The following CHD9 variants were observed in gnomAD, a reference collection of about 807,000 sequenced individuals.
CHD9 encodes ATP-dependent chromatin remodeler CHD9.
In CHD9, 77 loss-of-function variants were observed where a neutral mutation model predicts 316.1. The observed-to-expected ratio is 0.24, with a 90% CI of 0.20 to 0.29. The LOEUF (loss-of-function observed/expected upper bound fraction) is 0.29, where lower values mean the gene tolerates loss of function less well. CHD9 is among the 10% of genes least tolerant of loss of function. The probability of loss-of-function intolerance (pLI) is 1.00; values close to 1 mark genes in which losing one functional copy is unlikely to be tolerated. For missense variants in CHD9, 2,763 were observed against 3,438.1 expected (o/e 0.80, Z 4.91); for synonymous variants, 1,129 against 1,158.3 (o/e 0.97, Z 0.51).
chr16:53,285,456 G>C, intron 24 of CHD9, 140 bp from the exon 25 acceptor site: 1 of 404,310 alleles, frequency 2.5e-6, no homozygotes, highest in Non-Finnish European at 4.3e-6. Flanking sequence ...TTAATTGGTG[G>C]CAATTATGAA....
In CHD9 at chr16:53,308,677, G is replaced by A. The variant is rs938701086; in HGVS notation, c.7054-9G>A. On this transcript the variant is annotated splice_polypyrimidine_tract_variant and intron_variant, in intron 33 of 38. Transcript: ENST00000447540. ...AGTTTCTGTCTTAATAATGGTATTT[G>A]TTTAACAGGAAGGTGGTTTGAAGTT... The A allele has an allele frequency of 2.7e-5, 44 of 1,603,692 alleles. No individual in the cohort carries two copies. The highest frequency in any genetic ancestry group is 3.8e-5 in the Non-Finnish European group (44 of 1,172,724).
At chr16:53,207,982 C>G (rs761251738) in intron 2 of CHD9, 1 of 970,972 alleles carries the variant, frequency 1.0e-6, no homozygotes, top group Non-Finnish European at 1.2e-6. Context: ...TTAACGACAT[C>G]TCTAATATTC....
intron 2 of CHD9, among the ~76,000 whole-genome samples, chr16:53,192,080 A>AAAAG (rs2044525342): frequency 6.6e-6 from 1 of 151,874 alleles, no homozygotes; most frequent in African/African-American, 2.4e-5. Context: ...AAAAAAAAAA[A>AAAAG]AAACAGTCAA....
chr16:53,175,816 C>T (rs1442440484), intron 2 of CHD9, among the ~76,000 whole-genome samples: 1 of 152,194 alleles, frequency 6.6e-6, no homozygotes, highest in Non-Finnish European at 1.5e-5. Flanking sequence ...TTAATCTTCA[C>T]AATATCTCTG....
intron 2 of CHD9, among the ~76,000 whole-genome samples, chr16:53,184,217 T>C (rs2043790056): frequency 6.6e-6 from 1 of 152,040 alleles, no homozygotes. Flanking sequence ...CCTATTATGT[T>C]CTAAACTCTG....
chr16:53,200,007 G>A (rs149587009), intron 2 of CHD9, among the ~76,000 whole-genome samples: 2,603 of 152,126 alleles, frequency 0.017, 80 homozygotes, highest in African/African-American at 0.06. Context: ...AGGCCGAGGC[G>A]GGTGGGTCAC....
intron 37 of CHD9, among the ~76,000 whole-genome samples, chr16:53,319,247 T>C (rs8063660): frequency 0.24 from 36,466 of 152,138 alleles, 4,717 homozygotes; most frequent in Middle Eastern, 0.32. Flanking sequence ...CATTTCTCAT[T>C]GCGTTATTTT....
intron 24 of CHD9, among the ~76,000 whole-genome samples, chr16:53,274,884 C>A (rs1343987367): frequency 6.6e-6 from 1 of 152,158 alleles, no homozygotes; most frequent in East Asian, 1.9e-4. Context: ...GGAATTAACC[C>A]TTGCCAATTT....
intron 1 of CHD9, among the ~76,000 whole-genome samples, chr16:53,123,347 T>C (rs1213615948): frequency 6.6e-6 from 1 of 151,796 alleles, no homozygotes; most frequent in Non-Finnish European, 1.5e-5. Flanking sequence ...CACTCTCCAT[T>C]CTTCATCCCC....
chr16:53,124,027 T>C (rs2038862754), intron 1 of CHD9, among the ~76,000 whole-genome samples: 1 of 152,230 alleles, frequency 6.6e-6, no homozygotes, highest in South Asian at 2.1e-4. Flanking sequence ...TTGTTTCCAC[T>C]TTTGGGCTAT....
intron 1 of CHD9, among the ~76,000 whole-genome samples, chr16:53,145,056 A>G (rs1160432850): frequency 1.3e-5 from 2 of 151,948 alleles, no homozygotes; most frequent in Admixed American, 6.6e-5. Context: ...TTAAGCAAAG[A>G]TACATTATAT....
chr16:53,184,498 A>G (rs927340058), intron 2 of CHD9, among the ~76,000 whole-genome samples: 5 of 151,888 alleles, frequency 3.3e-5, no homozygotes, highest in Non-Finnish European at 7.4e-5. Flanking sequence ...CAGCATGCCC[A>G]GTGAATTTTT....
rs1449250755 is a variant in CHD9 at position 53,296,889 on chromosome 16, T to C, written c.5511-67T>C. 3.0e-6 allele frequency: 3 copies of C among 992,816 alleles called. No individual in the cohort carries two copies. In the East Asian group the frequency reaches 7.7e-5, roughly 26 times the overall value. The allele number at this position is 992,816 out of a possible 1,614,324, so 61.5% of individuals were successfully genotyped here. On this transcript the variant is annotated intron_variant, in intron 29 of 38. Coordinates refer to ENST00000447540, the MANE Select transcript of CHD9 (RefSeq NM_001308319.2). ...TGTTTTAAGTTTGTATTATAGTCAT[T>C]ATATTTAGTATTAATATTAATTTTA...
At chr16:53,172,642 A>G (rs188875678) in intron 2 of CHD9, among the ~76,000 whole-genome samples, 1 of 152,288 alleles carries the variant, frequency 6.6e-6, no homozygotes, top group East Asian at 1.9e-4. Flanking sequence ...AACAGTGTCT[A>G]AGAGTTCCGT....
At chr16:53,313,877 CA>C (rs1857472093) in intron 34 of CHD9, among the ~76,000 whole-genome samples, 1 of 150,404 alleles carries the variant, frequency 6.6e-6, no homozygotes, top group African/African-American at 2.4e-5. Context: ...AGCATGAACC[CA>C]GGGGGCGGAG....
Position 53,314,446 on chromosome 16 carries a change from G to A in CHD9, c.7292G>A (p.Arg2431Lys), listed in dbSNP as rs778945620. The A allele has an allele frequency of 6.3e-7, 1 of 1,586,996 alleles. No homozygotes were observed. The highest frequency in any genetic ancestry group is 1.1e-5 in the South Asian group (1 of 86,982). ...GACAACCAGCCTATAGTCAAAAAAAGGCGAGGAAGGAGGAAGAATGTAGAA... is the reference window on the plus strand; with the variant it reads ...GACAACCAGCCTATAGTCAAAAAAAAGCGAGGAAGGAGGAAGAATGTAGAA... Reference protein sequence around the residue: ...ILDNQPIVKKRRGRRKNVEGV... With the variant: ...ILDNQPIVKKKRGRRKNVEGV... The change falls in exon 35 of 39, where the codon AGG becomes AAG. Residue 2431 changes from arginine to lysine, a missense_variant. By Grantham distance (26) the Arg-to-Lys change is conservative (BLOSUM62 2). Transcript: ENST00000447540.
intron 1 of CHD9, among the ~76,000 whole-genome samples, chr16:53,095,060 T>C (rs60342797): frequency 0.048 from 7,317 of 152,280 alleles, 586 homozygotes; most frequent in African/African-American, 0.17. Flanking sequence ...ATTTATCTGT[T>C]TGTGTATTTC....
intron 4 of CHD9, among the ~76,000 whole-genome samples, chr16:53,224,123 A>G (rs889084478): frequency 6.6e-6 from 1 of 152,174 alleles, no homozygotes; most frequent in South Asian, 2.1e-4. Flanking sequence ...CTAACCTCCT[A>G]TGTAAAGTGC....
intron 1 of CHD9, among the ~76,000 whole-genome samples, chr16:53,065,475 A>G (rs1413727601): frequency 1.3e-5 from 2 of 151,894 alleles, no homozygotes; most frequent in Non-Finnish European, 2.9e-5. Context: ...CTCTACAAAA[A>G]AATTTAAAAA....
Sources: gnomAD v4.1 joint callset for allele counts (sites outside exome capture counted in the v4.1 genomes callset) on GRCh38, gnomAD v4.1.1 for gene constraint, MANE v1.5 for transcripts, NCBI Gene and HGNC (gene_info 2026-07-23, HGNC 2026-07-21) for gene names.